Variants in LETM1 observed in about 807,000 individuals in gnomAD.
The protein encoded by LETM1 is leucine zipper and EF-hand containing transmembrane protein 1.
In LETM1, 50 loss-of-function variants were observed where a neutral mutation model predicts 74.5. That is an observed-to-expected ratio of 0.67 (90% confidence interval 0.53 to 0.85). The LOEUF is 0.85. Ranked by LOEUF, LETM1 falls within the 40% of genes least tolerant of loss-of-function variation. The pLI is 0.00. For missense variants in LETM1, 824 were observed against 967.8 expected, an observed-to-expected ratio of 0.85 and a Z score of 1.97; for synonymous variants, 446 against 407.1, an observed-to-expected ratio of 1.10 and a Z score of -1.15.
chr4:1,819,315 T>A (rs1424246978), intron 11 of LETM1, 23 bp downstream of exon 11: 1 of 1,594,870 alleles, frequency 6.3e-7, no homozygotes, highest in East Asian at 2.3e-5. Flanking sequence ...AGTCTCAGAG[T>A]CCAGGGAGCA....
At position 1,827,361 on chromosome 4, in the gene LETM1, C is replaced by T. The variant is rs1712034202; in HGVS notation, c.1081-1678G>A. 3.3e-5 allele frequency among the ~76,000 whole-genome samples: 4 copies of T among 121,142 alleles called. No individual in the cohort carries two copies. The South Asian group carries it at 1.2e-3, about 35-fold the overall frequency. The allele number at this position is 121,142 out of a possible 152,430, so 79.5% of individuals were successfully genotyped here. The stretch of plus-strand genomic sequence containing the variant: ...AGGGGGATTTGGCAGGGTCATGGGA[C>T]AATAGTGGAGGGAAGGTCAGCAGAT... On this transcript the variant is annotated intron_variant, in intron 6 of 13. Transcript: ENST00000302787.
At chr4:1,822,965 C>A in intron 9 of LETM1, 23 bp downstream of exon 9, 1 of 1,461,190 alleles carries the variant, frequency 6.8e-7, no homozygotes. Flanking sequence ...CCCCACGCGG[C>A]ACGGAGCAGG....
chr4:1,822,779 C>A, intron 9 of LETM1: 1 of 422,396 alleles, frequency 2.4e-6, no homozygotes, highest in Non-Finnish European at 4.0e-6. Context: ...CCCATGAGCA[C>A]CACTGTGGCC....
At chr4:1,827,969 G>A (rs1712063394) in intron 6 of LETM1, among the ~76,000 whole-genome samples, 1 of 146,900 alleles carries the variant, frequency 6.8e-6, no homozygotes, top group African/African-American at 2.6e-5. Flanking sequence ...GGGCAGAGGG[G>A]CTCCCCACTT....
intron 2 of LETM1, chr4:1,843,270 G>A (rs1712766400): frequency 6.6e-6 from 1 of 152,646 alleles, no homozygotes; most frequent in Admixed American, 6.5e-5. Context: ...ACCCACCAAC[G>A]ACGTGGCTCT....
chr4:1,840,661 A>G (rs1054278326), intron 3 of LETM1, among the ~76,000 whole-genome samples: 3 of 151,734 alleles, frequency 2.0e-5, no homozygotes, highest in African/African-American at 7.3e-5. Context: ...GTGAGACTCC[A>G]TCTCAAAAAA....
At chr4:1,848,915 G>T (rs561193220) in intron 2 of LETM1, among the ~76,000 whole-genome samples, 7 of 152,178 alleles carry the variant, frequency 4.6e-5, no homozygotes, top group African/African-American at 1.4e-4. Context: ...TCTGTCCCCA[G>T]CTCTCCAAGT....
chr4:1,835,993 T>C (rs1000179606), intron 4 of LETM1, among the ~76,000 whole-genome samples: 16 of 152,160 alleles, frequency 1.1e-4, no homozygotes, highest in African/African-American at 3.9e-4. Flanking sequence ...GAGGATCACT[T>C]AAGTCCAGGA....
At chr4:1,842,029 A>T (rs1477278415) in intron 2 of LETM1, among the ~76,000 whole-genome samples, 2 of 152,160 alleles carry the variant, frequency 1.3e-5, no homozygotes, top group African/African-American at 4.8e-5. Context: ...GGACAGGAGC[A>T]TGGGCGGGCG....
rs1361882442 is a variant in LETM1 at position 1,814,584 on chromosome 4, G to A, written c.2071-11C>T. On this transcript the variant is annotated splice_polypyrimidine_tract_variant and intron_variant, in intron 13 of 13. Transcript: ENST00000302787. ...CACCAGCTCAATCACCTACACACGT[G>A]GGAAAGGGAGAGGCTCAGGTGGCTG... 1 of 1,612,068 alleles carries A rather than the reference G, an allele frequency of 6.2e-7. No individual in the cohort carries two copies.
intron 9 of LETM1, 125 bp from the exon 10 acceptor site, chr4:1,822,437 G>T: frequency 8.9e-7 from 1 of 1,118,660 alleles, no homozygotes; most frequent in Non-Finnish European, 1.2e-6. Flanking sequence ...ACATTGGGCA[G>T]CACACCTGCC....
intron 2 of LETM1, among the ~76,000 whole-genome samples, chr4:1,847,997 AAAAAAT>A (rs1712941247): frequency 6.6e-6 from 1 of 151,912 alleles, no homozygotes; most frequent in African/African-American, 2.4e-5. Flanking sequence ...TCTGTCTCAA[AAAAAAT>A]AAAAATAAAA....
Position 1,855,953 on chromosome 4 carries a change from G to A in LETM1, c.-3C>T. ...CTCCTCAGTAAGATGGACGCCATGT[G>A]CTCGGGCGCGGCGGCCGCTCCGGCC... On this transcript the variant is annotated 5_prime_UTR_variant, in exon 1 of 14. Coordinates refer to ENST00000302787, the MANE Select transcript of LETM1 (RefSeq NM_012318.3). 8.2e-7 allele frequency: 1 copy of A among 1,214,660 alleles called. No individual in the cohort carries two copies. Among genetic ancestry groups the A allele is most frequent in the East Asian group, 3.4e-5 (1 of 29,300 alleles). The allele number at this position is 1,214,660 out of a possible 1,614,324, so 75.2% of individuals were successfully genotyped here. A position where few individuals can be genotyped will look rare whatever the true frequency, so the allele number is the denominator to read the frequency against.
intron 6 of LETM1, among the ~76,000 whole-genome samples, chr4:1,829,171 ACCC>A (rs1273811308): frequency 5.9e-4 from 18 of 30,734 alleles, no homozygotes; most frequent in African/African-American, 2.2e-3. Flanking sequence ...AGGGGGGCTG[ACCC>A]CCCCCCCACC....
chr4:1,823,486 G>A (rs1711867371), intron 8 of LETM1, among the ~76,000 whole-genome samples, 158 bp downstream of exon 8: 1 of 152,004 alleles, frequency 6.6e-6, no homozygotes, highest in African/African-American at 2.4e-5. Flanking sequence ...ATGGAAGGAA[G>A]GGGACAGGTG....
At chr4:1,815,035 T>G (rs754416628) in intron 13 of LETM1, among the ~76,000 whole-genome samples, 6 of 152,184 alleles carry the variant, frequency 3.9e-5, no homozygotes, top group Non-Finnish European at 7.3e-5. Flanking sequence ...GGAAAATCAC[T>G]AACCTGATGC....
At position 1,816,800 on chromosome 4, in the gene LETM1, C is replaced by T. The variant is rs1179218843; in HGVS notation, c.1858G>A (p.Asp620Asn). The change falls in exon 12 of 14, where the codon GAT becomes AAT. Residue 620 changes from aspartate to asparagine, a missense_variant. This residue lies in a region of LETM1 where 161 missense variants were observed against 252.7 expected (regional missense o/e 0.64). Coordinates refer to ENST00000302787, the MANE Select transcript of LETM1 (RefSeq NM_012318.3). ...ATCTCCAGCTGCGAGATCAAGCCAT[C>T]GATCTGCCCGATCATTTGCTGCACC... ...KRVQQMIGQIDGLISQLEMDQ... is the reference protein window; with the variant it reads ...KRVQQMIGQINGLISQLEMDQ... The T allele has an allele frequency of 5.6e-6, 9 of 1,614,244 alleles. No individual in the cohort carries two copies. Among genetic ancestry groups the T allele is most frequent in the Middle Eastern group, 1.6e-4 (1 of 6,062 alleles).
chr4:1,823,541 C>T (rs1479613279), intron 8 of LETM1, 103 bp downstream of exon 8: 2 of 1,453,668 alleles, frequency 1.4e-6, no homozygotes, highest in African/African-American at 1.4e-5. Flanking sequence ...AGGCTCCTCG[C>T]CCATGGTTGA....
chr4:1,834,787 C>A lies in LETM1; in HGVS notation c.876+58G>T. The A allele has an allele frequency of 6.2e-7, 1 of 1,602,134 alleles. No homozygotes were observed. The highest frequency in any genetic ancestry group is 1.1e-5 in the South Asian group (1 of 90,048). On this transcript the variant is annotated intron_variant, in intron 5 of 13. Transcript: ENST00000302787. The surrounding 1 kb of genome is among the most constrained non-coding windows in gnomAD (Gnocchi z 5.0). ...TCTGCTGAGCACAGCGAAAGGGAAACAGAAAATCAGGGAAGGCTCCCTGGT... is the reference window on the plus strand; with the variant it reads ...TCTGCTGAGCACAGCGAAAGGGAAAAAGAAAATCAGGGAAGGCTCCCTGGT...
Sources: gnomAD v4.1 joint callset for allele counts (sites outside exome capture counted in the v4.1 genomes callset) on GRCh38, gnomAD v4.1.1 for gene constraint, gnomAD v4.1.1 regional missense constraint, Gnocchi (gnomAD v3.1) non-coding constraint, MANE v1.5 for transcripts, NCBI Gene and HGNC (gene_info 2026-07-23, HGNC 2026-07-21) for gene names.